LRRC69: variants seen among roughly 807,000 people sequenced by gnomAD.
LRRC69 encodes leucine rich repeat containing 69, also known as leucine-rich repeat-containing protein 69.
LRRC69 carries 42 observed loss-of-function variants against 37.8 expected under a neutral mutation model. The ratio of observed to expected loss-of-function variants is 1.11; its 90% CI spans 0.87 to 1.44. The LOEUF is 1.44. Ranked by LOEUF, LRRC69 falls within the 40% of genes most tolerant of loss-of-function variation. The pLI is 0.00. For missense variants in LRRC69, 357 were observed against 401.9 expected, an observed-to-expected ratio of 0.89 and a Z score of 0.96; for synonymous variants, 141 against 143.1, an observed-to-expected ratio of 0.99 and a Z score of 0.11.
intron 5 of LRRC69, among the ~76,000 whole-genome samples, chr8:91,164,162 C>A (rs572623142): frequency 1.2e-4 from 18 of 151,582 alleles, no homozygotes; most frequent in Admixed American, 7.3e-4. Flanking sequence ...CTTGTTTTTT[C>A]TCCAAGTGCC....
chr8:91,211,603 T>A, intron 7 of LRRC69, among the ~76,000 whole-genome samples: 1 of 138,510 alleles, frequency 7.2e-6, no homozygotes, highest in African/African-American at 2.7e-5. Flanking sequence ...CAAATATATA[T>A]ATATATATAT....
At chr8:91,151,909 T>A (rs1477720242) in intron 5 of LRRC69, among the ~76,000 whole-genome samples, 1 of 151,720 alleles carries the variant, frequency 6.6e-6, no homozygotes, top group Non-Finnish European at 1.5e-5. Context: ...TGTTGAGCTT[T>A]TTTTTTCATA....
At chr8:91,126,858 A>T (rs866941352) in intron 2 of LRRC69, among the ~76,000 whole-genome samples, 9 of 151,998 alleles carry the variant, frequency 5.9e-5, no homozygotes, top group African/African-American at 2.2e-4. Flanking sequence ...CCAGTTTTTG[A>T]TGAGCCTGGT....
chr8:91,212,353 T>A (rs1809944794), intron 7 of LRRC69, among the ~76,000 whole-genome samples: 1 of 152,110 alleles, frequency 6.6e-6, no homozygotes, highest in Non-Finnish European at 1.5e-5. Context: ...TTCCCCAGAT[T>A]CCTTTAAAGT....
intron 5 of LRRC69, among the ~76,000 whole-genome samples, chr8:91,172,702 A>T (rs896877785): frequency 1.8e-4 from 28 of 151,736 alleles, no homozygotes; most frequent in Admixed American, 4.6e-4. Flanking sequence ...TTTAGTAGAG[A>T]CAGCGTTTCT....
At chr8:91,141,064 C>G (rs776736146) in intron 5 of LRRC69, among the ~76,000 whole-genome samples, 3 of 151,980 alleles carry the variant, frequency 2.0e-5, no homozygotes, top group Non-Finnish European at 4.4e-5. Context: ...TTTGAATGAA[C>G]AAGCCTTTGA....
chr8:91,172,760 G>T (rs550241981), intron 5 of LRRC69, among the ~76,000 whole-genome samples: 1 of 151,906 alleles, frequency 6.6e-6, no homozygotes, highest in East Asian at 1.9e-4. Context: ...TGATCAGCCC[G>T]CCTCAGCCTC....
At chr8:91,203,749 A>T (rs1408171580) in intron 7 of LRRC69, among the ~76,000 whole-genome samples, 3 of 151,962 alleles carry the variant, frequency 2.0e-5, no homozygotes, top group Non-Finnish European at 2.9e-5. Flanking sequence ...AGAATCTTTT[A>T]AAAAATACAG....
chr8:91,196,478 A>G (rs980075287), intron 6 of LRRC69, among the ~76,000 whole-genome samples: 4 of 152,094 alleles, frequency 2.6e-5, no homozygotes, highest in Non-Finnish European at 4.4e-5. Flanking sequence ...ACTTTCAGGT[A>G]CACCAAGCAG....
chr8:91,147,421 A>T (rs1228761164), intron 5 of LRRC69, among the ~76,000 whole-genome samples: 1 of 151,076 alleles, frequency 6.6e-6, no homozygotes, highest in East Asian at 1.9e-4. Context: ...ATTTAAAAAA[A>T]TCCATCTGAC....
At chr8:91,159,962 A>T (rs1481432664) in intron 5 of LRRC69, among the ~76,000 whole-genome samples, 1 of 150,798 alleles carries the variant, frequency 6.6e-6, no homozygotes, top group Admixed American at 6.6e-5. Flanking sequence ...CCCCACCTTA[A>T]AAAAAACAAA....
chr8:91,176,615 G>T (rs1258987848), intron 5 of LRRC69, among the ~76,000 whole-genome samples: 1 of 152,168 alleles, frequency 6.6e-6, no homozygotes, highest in Non-Finnish European at 1.5e-5. Flanking sequence ...GCCCAGGAAA[G>T]CCAGTGGTAT....
chr8:91,146,032 A>G (rs1249424276), intron 5 of LRRC69, among the ~76,000 whole-genome samples: 2 of 151,848 alleles, frequency 1.3e-5, no homozygotes, highest in African/African-American at 4.8e-5. Context: ...AACTTACATA[A>G]TTTGAGTTCT....
intron 1 of LRRC69, among the ~76,000 whole-genome samples, chr8:91,120,256 G>T (rs969213589): frequency 2.2e-4 from 33 of 151,924 alleles, no homozygotes; most frequent in African/African-American, 7.7e-4. Flanking sequence ...ATTTTGTTTA[G>T]CCTTCCCCTG....
At chr8:91,121,441 T>C (rs962316422) in intron 1 of LRRC69, among the ~76,000 whole-genome samples, 64 of 152,084 alleles carry the variant, frequency 4.2e-4, no homozygotes, top group Non-Finnish European at 7.8e-4. Context: ...AGTGTTCCTC[T>C]ACCTGCAGTG....
chr8:91,199,912 G>A lies in LRRC69; in HGVS notation c.754-701G>A, dbSNP rs562011107. ...TCTTACTTCCTCCCTTTATTATTTAGTATTTTATTATTATTATTGCAAGTC... is the reference window on the plus strand; with the variant it reads ...TCTTACTTCCTCCCTTTATTATTTAATATTTTATTATTATTATTGCAAGTC... On this transcript the variant is annotated intron_variant, in intron 6 of 7. Coordinates refer to ENST00000448384, the Ensembl canonical transcript of LRRC69. Among the ~76,000 whole-genome samples, 15 of 152,126 alleles carry A rather than the reference G, an allele frequency of 9.9e-5. No individual in the cohort carries two copies. The South Asian group carries it at 1.7e-3, about 17-fold the overall frequency.
At chr8:91,114,806 T>G (rs565696837) in intron 1 of LRRC69, among the ~76,000 whole-genome samples, 2 of 152,144 alleles carry the variant, frequency 1.3e-5, no homozygotes, top group South Asian at 4.1e-4. Context: ...ATGCATTTCT[T>G]AGAATGTGTC....
At chr8:91,137,556 G>A (rs1316210860) in intron 5 of LRRC69, among the ~76,000 whole-genome samples, 1 of 151,860 alleles carries the variant, frequency 6.6e-6, no homozygotes, top group Non-Finnish European at 1.5e-5. Context: ...TCTGTTAATT[G>A]ACCGTTTCTT....
At chr8:91,165,149 T>A (rs770913776) in intron 5 of LRRC69, among the ~76,000 whole-genome samples, 26 of 151,862 alleles carry the variant, frequency 1.7e-4, no homozygotes, top group Non-Finnish European at 3.4e-4. Context: ...TTTTGCCTAA[T>A]TTTTGAGAGG....
Sources: allele counts gnomAD v4.1 joint callset (sites outside exome capture counted in the v4.1 genomes callset), GRCh38; gene constraint gnomAD v4.1.1; transcripts MANE v1.5; gene names NCBI Gene and HGNC (gene_info 2026-07-23, HGNC 2026-07-21).